Variants in CHN2 observed in about 807,000 individuals in gnomAD.
CHN2 encodes beta-chimaerin.
CHN2 carries 35 observed loss-of-function variants against 56.3 expected under a neutral mutation model. The ratio of observed to expected loss-of-function variants is 0.62; its 90% confidence interval spans 0.47 to 0.82. The LOEUF (loss-of-function observed/expected upper bound fraction) is 0.82. Ranked by LOEUF, CHN2 falls within the 40% of genes least tolerant of loss-of-function variation. The probability of loss-of-function intolerance (pLI) is 0.00; values close to 1 mark genes in which losing one functional copy is unlikely to be tolerated. For missense variants in CHN2, 491 were observed against 580.5 expected (o/e 0.85, Z 1.58); for synonymous variants, 210 against 212.8 (o/e 0.99, Z 0.12).
chr7:29,437,364 C>CTGCTAA (rs1783305543), intron 6 of CHN2, among the ~76,000 whole-genome samples: 1 of 84,700 alleles, frequency 1.2e-5, no homozygotes, highest in African/African-American at 7.4e-5. Context: ...TTTGGGAGGC[C>CTGCTAA]GAGGCGGGCG....
chr7:29,413,036 T>G (rs568508714), intron 6 of CHN2, among the ~76,000 whole-genome samples: 40 of 152,314 alleles, frequency 2.6e-4, no homozygotes, highest in Non-Finnish European at 1.2e-4. Context: ...GTTGCAGAAC[T>G]GGCATTACTC....
intron 1 of CHN2, among the ~76,000 whole-genome samples, chr7:29,230,291 C>A (rs894500913): frequency 6.6e-6 from 1 of 152,164 alleles, no homozygotes; most frequent in Non-Finnish European, 1.5e-5. Flanking sequence ...AACAAAAATT[C>A]GTTGTAAAAA....
chr7:29,174,599 C>G (rs537036344), intron 2 of CHN2, among the ~76,000 whole-genome samples: 6 of 152,146 alleles, frequency 3.9e-5, no homozygotes, highest in Non-Finnish European at 7.3e-5. Flanking sequence ...CAGTGACTCA[C>G]GCCTGTAATC....
chr7:29,304,296 T>C (rs953950075), intron 1 of CHN2, among the ~76,000 whole-genome samples: 2 of 152,194 alleles, frequency 1.3e-5, no homozygotes, highest in African/African-American at 2.4e-5. Context: ...GCCTAATCCT[T>C]GGCATCCCCA....
chr7:29,500,070 A>G (rs374001613), intron 9 of CHN2, 30 bp downstream of exon 9: 20 of 1,430,538 alleles, frequency 1.4e-5, no homozygotes, highest in East Asian at 7.4e-5. Context: ...TTATAGTAGT[A>G]TAGTGATTTT....
At chr7:29,506,079 C>G (rs1343769446) in intron 10 of CHN2, among the ~76,000 whole-genome samples, 1 of 152,120 alleles carries the variant, frequency 6.6e-6, no homozygotes, top group African/African-American at 2.4e-5. Flanking sequence ...TAAAAAATGT[C>G]ATAGTCTGTG....
chr7:29,259,104 G>C (rs1449463239), intron 1 of CHN2, among the ~76,000 whole-genome samples: 1 of 151,774 alleles, frequency 6.6e-6, no homozygotes, highest in Non-Finnish European at 1.5e-5. Context: ...GAGGCATGCA[G>C]ATCACTTGAA....
intron 9 of CHN2, among the ~76,000 whole-genome samples, chr7:29,501,736 C>G (rs1410413780): frequency 1.3e-5 from 2 of 152,132 alleles, no homozygotes; most frequent in African/African-American, 4.8e-5. Flanking sequence ...GTATGACACC[C>G]GCATTCCCAG....
chr7:29,214,452 TG>T (rs1785190199), intron 1 of CHN2, among the ~76,000 whole-genome samples: 1 of 152,220 alleles, frequency 6.6e-6, no homozygotes, highest in African/African-American at 2.4e-5. Context: ...TGGATGCCTT[TG>T]TGGATCAGTA....
intron 2 of CHN2, among the ~76,000 whole-genome samples, chr7:29,179,341 C>G (rs914486176): frequency 3.9e-5 from 6 of 152,344 alleles, no homozygotes; most frequent in Admixed American, 2.6e-4. Flanking sequence ...TAGATCAGTT[C>G]TGCCTTCCTT....
At chr7:29,209,322 G>A (rs1029857509) in intron 1 of CHN2, among the ~76,000 whole-genome samples, 2 of 152,140 alleles carry the variant, frequency 1.3e-5, no homozygotes, top group Non-Finnish European at 2.9e-5. Flanking sequence ...ATTCCAAGAC[G>A]CATGGCCTCT....
chr7:29,513,379 T>A lies in CHN2; in HGVS notation c.*644T>A, dbSNP rs1385893013. The A allele has an allele frequency of 6.5e-6, 1 of 152,724 alleles. No homozygotes were observed. Among genetic ancestry groups the A allele is most frequent in the Non-Finnish European group, 1.5e-5 (1 of 68,092 alleles). 9.5% of individuals were successfully genotyped at this position (152,724 alleles called of 1,614,324 possible). ...TTCCTGCTTTGGATAGTTTTTGCTC[T>A]TAAGCATTGGCATTCTTCTATTGTA... On this transcript the variant is annotated 3_prime_UTR_variant, in exon 13 of 13. Transcript: ENST00000222792.
rs149331646 is a variant in CHN2, at chr7:29,344,775, G to A, written c.50-9850G>A. On this transcript the variant is annotated intron_variant, in intron 1 of 12. Transcript: ENST00000222792. ...GACTGCTCTTGAAGGACCCTGGACA[G>A]GGCTACTCAAGGCAGAGGTGATCCG... Among the ~76,000 whole-genome samples, 826 of 152,260 alleles carry A rather than the reference G, an allele frequency of 5.4e-3. 4 individuals carry two copies. The highest frequency in any genetic ancestry group is 0.019 in the African/African-American group (783 of 41,544).
chr7:29,208,817 G>GT (rs1784714233), intron 1 of CHN2: 1 of 152,192 alleles, frequency 6.6e-6, no homozygotes, highest in African/African-American at 2.4e-5. Flanking sequence ...AGGTACCGTG[G>GT]TTGTAGACAC....
intron 1 of CHN2, among the ~76,000 whole-genome samples, chr7:29,283,189 G>A (rs1036640498): frequency 2.6e-5 from 4 of 152,150 alleles, no homozygotes; most frequent in Non-Finnish European, 5.9e-5. Context: ...CTTTCCTTAC[G>A]TGCTTACCTG....
At chr7:29,205,835 C>T (rs1335557268) in intron 1 of CHN2, among the ~76,000 whole-genome samples, 1 of 152,126 alleles carries the variant, frequency 6.6e-6, no homozygotes, top group African/African-American at 2.4e-5. Context: ...AAATTATACA[C>T]ATTTTACGTA....
rs1490776914 is a variant in CHN2 at position 29,463,910 on chromosome 7, C to T, written c.577-16369C>T. Among the ~76,000 whole-genome samples, 4 of 152,294 alleles carry T rather than the reference C, an allele frequency of 2.6e-5. No individual in the cohort carries two copies. The East Asian group carries it at 5.8e-4, about 22-fold the overall frequency. On this transcript the variant is annotated intron_variant, in intron 6 of 12. Coordinates refer to ENST00000222792, the MANE Select transcript of CHN2 (RefSeq NM_004067.4). ...CGACATGGCTGAATTGTACCTTATG[C>T]CATCGGGTGTGGCCAGTAATCCTGT...
chr7:29,360,281 G>A lies in CHN2; in HGVS notation c.88+5618G>A, dbSNP rs545148553. ...TCACGCCTGTAATCCCAGCACTTTG[G>A]GAGGCCGAGGCAGGCAGATCACCTG... On this transcript the variant is annotated intron_variant, in intron 2 of 12. Coordinates refer to ENST00000222792, the MANE Select transcript of CHN2 (RefSeq NM_004067.4). Among the ~76,000 whole-genome samples the A allele has an allele frequency of 8.5e-5, 13 of 152,310 alleles. No homozygotes were observed. The East Asian group carries it at 1.9e-3, about 23-fold the overall frequency.
intron 3 of CHN2, among the ~76,000 whole-genome samples, chr7:29,377,213 G>A (rs770532158): frequency 2.8e-4 from 43 of 151,994 alleles, no homozygotes; most frequent in African/African-American, 7.7e-4. Context: ...TAGTAGAGAC[G>A]GGGTTTCACC....
Sources: gnomAD v4.1 joint callset for allele counts (sites outside exome capture counted in the v4.1 genomes callset) on GRCh38, gnomAD v4.1.1 for gene constraint, MANE v1.5 for transcripts, NCBI Gene and HGNC (gene_info 2026-07-23, HGNC 2026-07-21) for gene names.